LMNTD1: variants seen among roughly 807,000 people sequenced by gnomAD.
The protein encoded by LMNTD1 is lamin tail domain-containing protein 1.
LMNTD1 carries 35 observed loss-of-function variants against 50.9 expected under a neutral mutation model. The observed-to-expected ratio is 0.69, with a 90% confidence interval of 0.53 to 0.91. The LOEUF is 0.91. Ranked by LOEUF, LMNTD1 falls within the 40% of genes least tolerant of loss-of-function variation. LMNTD1 has a pLI of 0.00. For missense variants in LMNTD1, 470 were observed against 475.5 expected (o/e 0.99, Z 0.11); for synonymous variants, 153 against 161.9 (o/e 0.94, Z 0.42).
chr12:25,597,243 C>G (rs1444589201), intron 1 of LMNTD1, among the ~76,000 whole-genome samples: 1 of 151,816 alleles, frequency 6.6e-6, no homozygotes, highest in Non-Finnish European at 1.5e-5. Flanking sequence ...AATCGAAAGA[C>G]ATAGAGTGGC....
chr12:25,628,374 T>A (rs1178400609), intron 1 of LMNTD1, among the ~76,000 whole-genome samples: 2 of 152,122 alleles, frequency 1.3e-5, no homozygotes, highest in African/African-American at 2.4e-5. Context: ...TAGCTCTATC[T>A]CACACTAGCT....
At chr12:25,481,220 G>A (rs1182848506) in intron 9 of LMNTD1, among the ~76,000 whole-genome samples, 1 of 151,918 alleles carries the variant, frequency 6.6e-6, no homozygotes. Context: ...ACCTCCTTCA[G>A]CAGTTCCTTA....
At chr12:25,600,435 GAAATGGACAAAGAGGATC>G (rs1240130825) in intron 1 of LMNTD1, among the ~76,000 whole-genome samples, 59 of 151,928 alleles carry the variant, frequency 3.9e-4, no homozygotes, top group African/African-American at 1.3e-3. Flanking sequence ...AACAAAAGCA[GAAATGGACAAAGAGGATC>G]AAATCAAGTT....
intron 1 of LMNTD1, among the ~76,000 whole-genome samples, chr12:25,599,784 G>A (rs922045255): frequency 2.0e-5 from 3 of 151,632 alleles, no homozygotes; most frequent in Admixed American, 6.6e-5. Context: ...AAACGCTGAC[G>A]AAAGAAATAG....
Position 25,584,248 on chromosome 12 carries a change from A to G in LMNTD1, c.59-37694T>C, listed in dbSNP as rs779722143. 2.0e-5 allele frequency among the ~76,000 whole-genome samples: 3 copies of G among 152,292 alleles called. No individual in the cohort carries two copies. In the East Asian group the frequency reaches 5.8e-4, roughly 29 times the overall value. ...ATATGATGTATACAATATATTTATG[A>G]TTTTTCTCACTTAAAGCACAATTGA... On this transcript the variant is annotated intron_variant, in intron 1 of 7. Transcript: ENST00000445693.
At chr12:25,564,960 C>T (rs941687280) in intron 1 of LMNTD1, among the ~76,000 whole-genome samples, 12 of 152,024 alleles carry the variant, frequency 7.9e-5, no homozygotes, top group Admixed American at 7.9e-4. Flanking sequence ...CTGAATTGAC[C>T]CCTTTATCAT....
At chr12:25,623,615 C>G (rs1946524571) in intron 1 of LMNTD1, among the ~76,000 whole-genome samples, 1 of 148,228 alleles carries the variant, frequency 6.7e-6, no homozygotes, top group Non-Finnish European at 1.5e-5. Flanking sequence ...CAAAAGGCAT[C>G]CCTGAAAATG....
At chr12:25,505,899 A>G (rs1002689528) in intron 8 of LMNTD1, among the ~76,000 whole-genome samples, 3 of 152,194 alleles carry the variant, frequency 2.0e-5, no homozygotes, top group African/African-American at 7.2e-5. Context: ...TACTCTGCCT[A>G]TTCACAGAAA....
rs146837838 is a variant in LMNTD1, at chr12:25,512,004, G to A, written c.1189+6791C>T. Among the ~76,000 whole-genome samples the A allele has an allele frequency of 2.8e-3, 425 of 152,066 alleles. 2 individuals are homozygous for A. Among genetic ancestry groups the A allele is most frequent in the African/African-American group, 8.2e-3 (341 of 41,446 alleles). On this transcript the variant is annotated intron_variant, in intron 8 of 9. Transcript: ENST00000458174. The stretch of plus-strand genomic sequence containing the variant: ...CCCCTGAGCCTTTTCCATTGCTCTC[G>A]TCTTTTCATAAATATTTCTAAAGCA...
At chr12:25,612,821 G>A (rs1946277436) in intron 1 of LMNTD1, among the ~76,000 whole-genome samples, 1 of 152,136 alleles carries the variant, frequency 6.6e-6, no homozygotes, top group Non-Finnish European at 1.5e-5. Context: ...ACCTGTGAAA[G>A]TTACCTTATA....
At chr12:25,589,182 C>T (rs553512764) in intron 1 of LMNTD1, among the ~76,000 whole-genome samples, 1 of 152,148 alleles carries the variant, frequency 6.6e-6, no homozygotes, top group African/African-American at 2.4e-5. Flanking sequence ...CCCAAATGTT[C>T]ATCAGTTGGA....
chr12:25,489,618 G>A (rs1003582309), intron 9 of LMNTD1, among the ~76,000 whole-genome samples: 5 of 151,790 alleles, frequency 3.3e-5, no homozygotes, highest in African/African-American at 9.7e-5. Context: ...GCTGTAGACC[G>A]GAGCTGTTCC....
intron 9 of LMNTD1, among the ~76,000 whole-genome samples, chr12:25,479,795 C>A (rs1183530121): frequency 6.6e-6 from 1 of 152,150 alleles, no homozygotes; most frequent in Non-Finnish European, 1.5e-5. Context: ...AGAAGAGGTC[C>A]AATATAATCA....
At chr12:25,574,046 T>C (rs1371679738) in intron 1 of LMNTD1, among the ~76,000 whole-genome samples, 1 of 152,210 alleles carries the variant, frequency 6.6e-6, no homozygotes, top group Admixed American at 6.5e-5. Flanking sequence ...AGGACATTTA[T>C]AATTCAGCTC....
intron 1 of LMNTD1, among the ~76,000 whole-genome samples, chr12:25,635,647 T>C (rs1217223683): frequency 6.6e-6 from 1 of 152,158 alleles, no homozygotes; most frequent in Non-Finnish European, 1.5e-5. Flanking sequence ...CTAAAATTCA[T>C]ATGGAACCAA....
intron 9 of LMNTD1, among the ~76,000 whole-genome samples, chr12:25,497,080 C>T (rs1939102612): frequency 6.6e-6 from 1 of 152,024 alleles, no homozygotes. Flanking sequence ...GTATTATACA[C>T]CAGATTTTAA....
chr12:25,497,951 C>T (rs998567264), intron 9 of LMNTD1, among the ~76,000 whole-genome samples: 1 of 152,066 alleles, frequency 6.6e-6, no homozygotes, highest in Non-Finnish European at 1.5e-5. Flanking sequence ...TACTTTTAAT[C>T]TTTTAAAAGA....
intron 1 of LMNTD1, among the ~76,000 whole-genome samples, chr12:25,572,489 A>G (rs949140334): frequency 6.6e-5 from 10 of 152,218 alleles, no homozygotes; most frequent in African/African-American, 1.4e-4. Context: ...CATCATTTTC[A>G]TAGTGTCACT....
intron 1 of LMNTD1, among the ~76,000 whole-genome samples, chr12:25,590,646 C>T (rs188522747): frequency 6.6e-6 from 1 of 152,296 alleles, no homozygotes; most frequent in East Asian, 1.9e-4. Flanking sequence ...AGACCCCTTG[C>T]CTCAGCTTGA....
Sources: allele counts gnomAD v4.1 joint callset (sites outside exome capture counted in the v4.1 genomes callset), GRCh38; gene constraint gnomAD v4.1.1; transcripts MANE v1.5; gene names NCBI Gene and HGNC (gene_info 2026-07-23, HGNC 2026-07-21).